KSR2: variants seen among roughly 807,000 people sequenced by gnomAD.
KSR2 encodes kinase suppressor of ras 2.
A neutral mutation model predicts 107.8 loss-of-function variants in KSR2; 25 were observed. That is an observed-to-expected ratio of 0.23 (90% CI 0.17 to 0.32). The LOEUF (loss-of-function observed/expected upper bound fraction) is 0.32. Ranked by LOEUF, KSR2 falls within the 10% of genes least tolerant of loss-of-function variation. KSR2 has a pLI of 1.00. For synonymous variants in KSR2, 480 were observed against 507.0 expected (o/e 0.95, Z 0.71); for missense variants, 887 against 1,268.9 (o/e 0.70, Z 4.57).
intron 1 of KSR2, among the ~76,000 whole-genome samples, chr12:117,887,046 C>T (rs1321525941): frequency 2.0e-5 from 3 of 152,056 alleles, no homozygotes; most frequent in African/African-American, 7.2e-5. Context: ...ACTTCAGCCT[C>T]CCCAGTAGTT....
chr12:117,693,439 G>T lies in KSR2; in HGVS notation c.987-25781C>A, dbSNP rs150647123. On this transcript the variant is annotated intron_variant, in intron 4 of 19. Coordinates refer to ENST00000339824, the MANE Select transcript of KSR2 (RefSeq NM_173598.6). ...TGGTAGAACATTCCTAAACTAGAAA[G>T]GGAAGTTCATTTTCCAAAAACTACA... 2.6e-5 allele frequency among the ~76,000 whole-genome samples: 4 copies of T among 151,972 alleles called. No homozygotes were observed. In the East Asian group the frequency reaches 7.7e-4, roughly 29 times the overall value.
At position 117,459,677 on chromosome 12, in the gene KSR2, A is replaced by T. The variant is rs1592893387; in HGVS notation, c.*7522T>A. 1 of 152,238 alleles carries T rather than the reference A, an allele frequency of 6.6e-6. No individual in the cohort carries two copies. Among genetic ancestry groups the T allele is most frequent in the Non-Finnish European group, 1.5e-5 (1 of 68,048 alleles). 9.4% of individuals were successfully genotyped at this position (152,238 alleles called of 1,614,324 possible). ...TACTTTTCACATTGGCCTCCAAGCC[A>T]TGGTATGTTGGAGAAGCCACCAACA... On this transcript the variant is annotated 3_prime_UTR_variant, in exon 20 of 20. Coordinates refer to ENST00000339824, the MANE Select transcript of KSR2 (RefSeq NM_173598.6).
At chr12:117,780,588 G>A (rs1889848839) in intron 3 of KSR2, among the ~76,000 whole-genome samples, 1 of 152,106 alleles carries the variant, frequency 6.6e-6, no homozygotes, top group South Asian at 2.1e-4. Flanking sequence ...TTCTGTTTGG[G>A]ATTATGAAAA....
intron 3 of KSR2, among the ~76,000 whole-genome samples, chr12:117,781,974 G>T (rs781610527): frequency 6.6e-6 from 1 of 152,226 alleles, no homozygotes; most frequent in Non-Finnish European, 1.5e-5. Flanking sequence ...AGCATGTTTA[G>T]ATACTAGCAA....
intron 1 of KSR2, among the ~76,000 whole-genome samples, chr12:117,874,717 TAGAAAA>T (rs1893773332): frequency 6.6e-6 from 1 of 151,844 alleles, no homozygotes; most frequent in African/African-American, 2.4e-5. Flanking sequence ...GAAGCACAAT[TAGAAAA>T]GGGCCTTTGT....
At chr12:117,484,922 C>G (rs771116701) in intron 15 of KSR2, among the ~76,000 whole-genome samples, 2 of 152,218 alleles carry the variant, frequency 1.3e-5, no homozygotes, top group Admixed American at 6.5e-5. Context: ...GTCAGATCTA[C>G]TTAACCTATG....
intron 8 of KSR2, among the ~76,000 whole-genome samples, chr12:117,557,846 T>C (rs1412509674): frequency 2.6e-5 from 4 of 152,188 alleles, no homozygotes; most frequent in Non-Finnish European, 5.9e-5. Flanking sequence ...AGGGGAACTA[T>C]TTTGAAAGCT....
intron 16 of KSR2, among the ~76,000 whole-genome samples, chr12:117,481,745 A>G (rs1458688843): frequency 6.6e-6 from 1 of 152,190 alleles, no homozygotes; most frequent in Non-Finnish European, 1.5e-5. Context: ...TGCTTCCTGC[A>G]AAGCCCAAAG....
At chr12:117,841,493 T>C (rs753507602) in intron 3 of KSR2, among the ~76,000 whole-genome samples, 1 of 152,184 alleles carries the variant, frequency 6.6e-6, no homozygotes, top group Non-Finnish European at 1.5e-5. Flanking sequence ...TGCATGCAGG[T>C]GCTTCCTAAA....
intron 3 of KSR2, among the ~76,000 whole-genome samples, chr12:117,837,023 T>C (rs1892243688): frequency 6.6e-6 from 1 of 152,204 alleles, no homozygotes; most frequent in African/African-American, 2.4e-5. Context: ...TCCTCTTAAT[T>C]GGTCTTGCAG....
At chr12:117,888,188 G>T (rs1003990694) in intron 1 of KSR2, among the ~76,000 whole-genome samples, 1 of 152,118 alleles carries the variant, frequency 6.6e-6, no homozygotes, top group African/African-American at 2.4e-5. Context: ...CAGTTTTTAC[G>T]TAGGGCACTT....
rs1870915231 is a variant in KSR2, at chr12:117,461,906, T to C, written c.*5293A>G. 6.6e-6 allele frequency: 1 copy of C among 151,684 alleles called. No homozygotes were observed. Among genetic ancestry groups the C allele is most frequent in the Non-Finnish European group, 1.5e-5 (1 of 67,962 alleles). The allele number at this position is 151,684 out of a possible 1,614,324, so 9.4% of individuals were successfully genotyped here. A position where few individuals can be genotyped will look rare whatever the true frequency, so the allele number is the denominator to read the frequency against. On this transcript the variant is annotated 3_prime_UTR_variant, in exon 20 of 20. Coordinates refer to ENST00000339824, the MANE Select transcript of KSR2 (RefSeq NM_173598.6). ...CCACTCCTTTGTCAATGAACAAGAG[T>C]ATAGATAAAATCAGATGCTGTGTCA...
At chr12:117,554,399 C>T (rs557467415) in intron 9 of KSR2, among the ~76,000 whole-genome samples, 4 of 152,152 alleles carry the variant, frequency 2.6e-5, no homozygotes, top group Non-Finnish European at 4.4e-5. Context: ...GAAATAGACC[C>T]CTATTCCTTG....
chr12:117,725,349 T>C (rs577964222), intron 4 of KSR2, among the ~76,000 whole-genome samples: 3 of 152,234 alleles, frequency 2.0e-5, no homozygotes, highest in African/African-American at 7.2e-5. Context: ...AGTAGATCAA[T>C]GGAACAGAAC....
At chr12:117,613,045 G>A (rs1004873920) in intron 5 of KSR2, among the ~76,000 whole-genome samples, 11 of 152,320 alleles carry the variant, frequency 7.2e-5, no homozygotes, top group African/African-American at 2.4e-4. Context: ...GTCTCTGGTA[G>A]TATCTTTATA....
At chr12:117,493,466 T>C (rs1161529406) in intron 14 of KSR2, among the ~76,000 whole-genome samples, 1 of 152,138 alleles carries the variant, frequency 6.6e-6, no homozygotes, top group Non-Finnish European at 1.5e-5. Context: ...CACCAGCCCA[T>C]CTCCGAGCCT....
intron 4 of KSR2, among the ~76,000 whole-genome samples, chr12:117,673,849 A>G (rs1885013776): frequency 6.6e-6 from 1 of 152,236 alleles, no homozygotes; most frequent in African/African-American, 2.4e-5. Context: ...TCATCTGGAA[A>G]TAAGGCCAAT....
intron 3 of KSR2, among the ~76,000 whole-genome samples, chr12:117,805,348 T>C (rs186513672): frequency 9.3e-4 from 142 of 152,322 alleles, no homozygotes; most frequent in African/African-American, 3.3e-3. Flanking sequence ...GTAACTTCTC[T>C]AGAGACCAAG....
At chr12:117,802,514 T>C (rs1445409197) in intron 3 of KSR2, among the ~76,000 whole-genome samples, 1 of 152,186 alleles carries the variant, frequency 6.6e-6, no homozygotes, top group East Asian at 1.9e-4. Flanking sequence ...TTCTGACTAC[T>C]ACAGCAAGGA....
Sources: gnomAD v4.1 joint callset for allele counts (sites outside exome capture counted in the v4.1 genomes callset) on GRCh38, gnomAD v4.1.1 for gene constraint, MANE v1.5 for transcripts, NCBI Gene and HGNC (gene_info 2026-07-23, HGNC 2026-07-21) for gene names.